HECTD2: variants seen among roughly 807,000 people sequenced by gnomAD.
The protein encoded by HECTD2 is HECT domain E3 ubiquitin protein ligase 2, also known as probable E3 ubiquitin-protein ligase HECTD2.
Under a neutral mutation model 103.2 loss-of-function variants are expected in HECTD2, and 35 were observed. That is an observed-to-expected ratio of 0.34 (90% CI 0.26 to 0.45). HECTD2 has a LOEUF of 0.45. HECTD2 is among the 20% of genes least tolerant of loss of function. HECTD2 has a pLI of 1.00. For missense variants in HECTD2, 596 were observed against 937.4 expected, an observed-to-expected ratio of 0.64 and a Z score of 4.76; for synonymous variants, 281 against 329.9, an observed-to-expected ratio of 0.85 and a Z score of 1.61.
intron 2 of HECTD2, among the ~76,000 whole-genome samples, chr10:91,428,587 C>T (rs1843684230): frequency 6.6e-6 from 1 of 152,054 alleles, no homozygotes; most frequent in African/African-American, 2.4e-5. Flanking sequence ...TGAAGAGTTC[C>T]TTCACATCCC....
chr10:91,410,427 G>A lies in HECTD2; in HGVS notation c.-12G>A, dbSNP rs1458474539. ...GCCGCCGCCGCCTGGCGCTCCCGCC[G>A]CCCGGCCCGACATGAGTGAGGCGGT... On this transcript the variant is annotated 5_prime_UTR_variant, in exon 1 of 21. Coordinates refer to ENST00000298068, the MANE Select transcript of HECTD2 (RefSeq NM_182765.6). 2.7e-5 allele frequency: 38 copies of A among 1,382,914 alleles called. No homozygotes were observed. The highest frequency in any genetic ancestry group is 3.3e-5 in the Non-Finnish European group (35 of 1,070,842). The allele number at this position is 1,382,914 out of a possible 1,614,324, so 85.7% of individuals were successfully genotyped here. A position where few individuals can be genotyped will look rare whatever the true frequency, so the allele number is the denominator to read the frequency against.
At chr10:91,508,067 A>G (rs1339484405) in intron 20 of HECTD2, among the ~76,000 whole-genome samples, 1 of 114,954 alleles carries the variant, frequency 8.7e-6, no homozygotes, top group Non-Finnish European at 1.6e-5. Context: ...CTGGCTAGCC[A>G]TATGTAGAAA....
intron 1 of HECTD2, among the ~76,000 whole-genome samples, chr10:91,417,152 A>G (rs778048647): frequency 7.9e-5 from 12 of 152,032 alleles, no homozygotes; most frequent in Non-Finnish European, 1.3e-4. Flanking sequence ...TCCTTTTTTT[A>G]TAGTTTTGTA....
In HECTD2 at chr10:91,466,872, T is replaced by C. The variant is rs188652638; in HGVS notation, c.600+4688T>C. On this transcript the variant is annotated intron_variant, in intron 5 of 20. Coordinates refer to ENST00000298068, the MANE Select transcript of HECTD2 (RefSeq NM_182765.6). ...GACATGGAGAAACCTTAAATACATA[T>C]TGCTAAGTGAAGGAAGCTAGTCTTA... Among the ~76,000 whole-genome samples, 4 of 152,200 alleles carry C rather than the reference T, an allele frequency of 2.6e-5. No homozygotes were observed. In the East Asian group the frequency reaches 5.8e-4, roughly 22 times the overall value.
At chr10:91,419,709 C>T (rs974722766) in intron 1 of HECTD2, among the ~76,000 whole-genome samples, 18 of 152,020 alleles carry the variant, frequency 1.2e-4, no homozygotes, top group Admixed American at 1.0e-3. Context: ...GTATTTCTTT[C>T]CCTCAAAGAA....
intron 2 of HECTD2, among the ~76,000 whole-genome samples, chr10:91,438,868 A>G (rs1411668773): frequency 6.6e-6 from 1 of 152,126 alleles, no homozygotes; most frequent in Non-Finnish European, 1.5e-5. Context: ...TGGCTACATA[A>G]ATGTCTTCTT....
intron 5 of HECTD2, 34 bp downstream of exon 5, chr10:91,462,218 G>A (rs755550125): frequency 3.9e-6 from 6 of 1,534,104 alleles, no homozygotes; most frequent in Non-Finnish European, 5.3e-6. Flanking sequence ...ATATTATTCT[G>A]TGTCTCTTCT....
Position 91,500,610 on chromosome 10 carries a change from A to G in HECTD2, c.2059A>G (p.Thr687Ala). The G allele has an allele frequency of 6.6e-7, 1 of 1,512,092 alleles. No individual in the cohort carries two copies. The highest frequency in any genetic ancestry group is 9.2e-7 in the Non-Finnish European group (1 of 1,087,318). The allele number at this position is 1,512,092 out of a possible 1,614,324, so 93.7% of individuals were successfully genotyped here. ...QYDGYAKTDL[T>A]IKYFWDVVLG... ...TGATGGCTATGCAAAAACGGACTTA[A>G]CTATAAAGTGAGCTCTTTATACTTC... Residue 687 changes from threonine to alanine, a missense_variant, in exon 19 of 21, where the codon ACT becomes GCT. By Grantham distance (58) the Thr-to-Ala change is moderately conservative. Coordinates refer to ENST00000298068, the MANE Select transcript of HECTD2 (RefSeq NM_182765.6).
chr10:91,444,080 T>C (rs902452088), intron 2 of HECTD2, among the ~76,000 whole-genome samples: 1 of 152,160 alleles, frequency 6.6e-6, no homozygotes, highest in African/African-American at 2.4e-5. Flanking sequence ...CTTATTACTA[T>C]TATTTTTTGT....
intron 20 of HECTD2, among the ~76,000 whole-genome samples, chr10:91,503,496 T>TAATC (rs951074353): frequency 3.3e-5 from 5 of 152,194 alleles, no homozygotes; most frequent in African/African-American, 1.2e-4. Context: ...TTCCCTTTCC[T>TAATC]AATCAAAGAA....
Position 91,418,206 on chromosome 10 carries a change from CTTAA to C in HECTD2, c.139-7072_139-7069del, listed in dbSNP as rs368133711. Among the ~76,000 whole-genome samples, 104 of 152,194 alleles carry C rather than the reference CTTAA, an allele frequency of 6.8e-4. 1 individual carries two copies. In the East Asian group the frequency reaches 8.3e-3, roughly 12 times the overall value. ...TTTGTTAAAAAAAAAGAACAAGACT[CTTAA>C]TTGATTGAGAATTTTGACTGGATCA... is the stretch of plus-strand genomic sequence containing the variant. On this transcript the variant is annotated intron_variant, in intron 1 of 20. Transcript: ENST00000298068.
chr10:91,445,123 C>T (rs573001855), intron 2 of HECTD2, among the ~76,000 whole-genome samples: 6 of 152,224 alleles, frequency 3.9e-5, no homozygotes, highest in East Asian at 1.9e-4. Flanking sequence ...TTTTCACAGA[C>T]GTCACAACTC....
chr10:91,445,080 T>G (rs1209694300), intron 2 of HECTD2, among the ~76,000 whole-genome samples: 1 of 152,174 alleles, frequency 6.6e-6, no homozygotes, highest in Non-Finnish European at 1.5e-5. Flanking sequence ...TGTAAGGGTG[T>G]GAGATTATCA....
chr10:91,453,059 T>A (rs1412817388), intron 2 of HECTD2, among the ~76,000 whole-genome samples: 1 of 152,176 alleles, frequency 6.6e-6, no homozygotes, highest in Non-Finnish European at 1.5e-5. Flanking sequence ...TCTCCTCTTA[T>A]GTTTTCTAAA....
At chr10:91,443,696 C>G (rs115446963) in intron 2 of HECTD2, among the ~76,000 whole-genome samples, 1,714 of 152,184 alleles carry the variant, frequency 0.011, 37 homozygotes, top group African/African-American at 0.039. Context: ...GCCCCTTCCC[C>G]CAGGAAGAAT....
chr10:91,509,350 T>C (rs1461153376), intron 20 of HECTD2, among the ~76,000 whole-genome samples: 1 of 152,172 alleles, frequency 6.6e-6, no homozygotes, highest in East Asian at 1.9e-4. Context: ...AGAATGCTTA[T>C]ACACTGCTGG....
rs1363543671 is a variant in HECTD2, at chr10:91,471,070, C to T, written c.601-7131C>T. Among the ~76,000 whole-genome samples, 3 of 152,068 alleles carry T rather than the reference C, an allele frequency of 2.0e-5. No individual in the cohort carries two copies. The East Asian group carries it at 5.8e-4, about 29-fold the overall frequency. On this transcript the variant is annotated intron_variant, in intron 5 of 20. Transcript: ENST00000298068. Reference sequence around the variant, plus strand: ...CCTGATGAAAATTGATGCAAAAACCCCTGCAAAATACTAGCAAACTGAATC... The same window carrying T: ...CCTGATGAAAATTGATGCAAAAACCTCTGCAAAATACTAGCAAACTGAATC...
At chr10:91,510,148 C>G (rs1847364299) in intron 20 of HECTD2, among the ~76,000 whole-genome samples, 1 of 152,078 alleles carries the variant, frequency 6.6e-6, no homozygotes, top group South Asian at 2.1e-4. Flanking sequence ...GAATAAAGTC[C>G]ATGGAGAAAA....
chr10:91,455,903 G>C (rs1215221030), intron 2 of HECTD2, among the ~76,000 whole-genome samples: 2 of 151,948 alleles, frequency 1.3e-5, no homozygotes, highest in Non-Finnish European at 2.9e-5. Flanking sequence ...TATTATTTCT[G>C]AGGGCTCTGT....
Sources: gnomAD v4.1 joint callset for allele counts (sites outside exome capture counted in the v4.1 genomes callset) on GRCh38, gnomAD v4.1.1 for gene constraint, MANE v1.5 for transcripts, NCBI Gene and HGNC (gene_info 2026-07-23, HGNC 2026-07-21) for gene names.